Variants in ACSBG1 observed in about 807,000 individuals in gnomAD.
ACSBG1 encodes acyl-CoA synthetase bubblegum family member 1.
A neutral mutation model predicts 80.2 loss-of-function variants in ACSBG1; 39 were observed. The observed-to-expected ratio is 0.49, with a 90% CI of 0.38 to 0.64. The LOEUF (loss-of-function observed/expected upper bound fraction) is 0.64. ACSBG1 is among the 30% of genes least tolerant of loss of function. ACSBG1 has a pLI of 0.00. For synonymous variants in ACSBG1, 392 were observed against 379.5 expected (o/e 1.03, Z -0.38); for missense variants, 828 against 966.4 (o/e 0.86, Z 1.90).
At chr15:78,171,560 G>A (rs775662194) in intron 13 of ACSBG1, 31 bp from the exon 14 acceptor site, 2 of 1,574,832 alleles carry the variant, frequency 1.3e-6, no homozygotes, top group South Asian at 2.2e-5. Flanking sequence ...AATGAGTGAG[G>A]CCCAGGCTCT....
At chr15:78,188,131 C>A (rs1595886204) in intron 5 of ACSBG1, among the ~76,000 whole-genome samples, 1 of 152,210 alleles carries the variant, frequency 6.6e-6, no homozygotes, top group South Asian at 2.1e-4. Context: ...ACGTGAAGGA[C>A]CTCTTCAAGG....
intron 1 of ACSBG1, among the ~76,000 whole-genome samples, chr15:78,226,787 T>TATATATATATATAATATATATA (rs1555434849): frequency 1.1e-5 from 1 of 87,822 alleles, no homozygotes; most frequent in East Asian, 3.5e-4. Context: ...CATAGAAAAA[T>TATATATATATATAATATATATA]ATATATATAT....
chr15:78,223,016 C>T (rs1350033365), intron 1 of ACSBG1, among the ~76,000 whole-genome samples: 2 of 152,208 alleles, frequency 1.3e-5, no homozygotes, highest in Non-Finnish European at 2.9e-5. Context: ...ATTTCCCTCT[C>T]TCAGAATCTG....
At chr15:78,208,730 G>C (rs1172382437) in intron 1 of ACSBG1, among the ~76,000 whole-genome samples, 1 of 152,146 alleles carries the variant, frequency 6.6e-6, no homozygotes, top group Non-Finnish European at 1.5e-5. Flanking sequence ...GAGGCCCAGG[G>C]CCTGACCCAG....
intron 1 of ACSBG1, among the ~76,000 whole-genome samples, chr15:78,210,659 G>A: frequency 6.6e-6 from 1 of 152,176 alleles, no homozygotes; most frequent in East Asian, 1.9e-4. Context: ...TGTTACCCAG[G>A]CTGGAGTGCA....
Position 78,234,402 on chromosome 15 carries a change from C to A in ACSBG1, c.100G>T (p.Val34Leu), listed in dbSNP as rs749516701. 1.2e-6 allele frequency: 2 copies of A among 1,612,758 alleles called. No homozygotes were observed. The highest frequency in any genetic ancestry group is 2.2e-5 in the East Asian group (1 of 44,888). The change falls in exon 1 of 14, where the codon GTG becomes TTG. Residue 34 changes from valine (V) to leucine (L), a missense_variant. Physicochemically the swap from Val to Leu is conservative, Grantham distance 32 (BLOSUM62 1). This residue lies in a region of ACSBG1 where 356 missense variants were observed against 363.5 expected (regional missense o/e 0.98). Coordinates refer to ENST00000258873, the MANE Select transcript of ACSBG1 (RefSeq NM_015162.5). Reference sequence around the variant, plus strand: ...TTCAATTTTTCTTGGGTGGTCCTCACAATCATGTCCTGCCGGCTCTCCTGT... The same window carrying A: ...TTCAATTTTTCTTGGGTGGTCCTCAAAATCATGTCCTGCCGGCTCTCCTGT... ...TPQESRQDMIVRTTQEKLKTS... is the reference protein window; with the variant it reads ...TPQESRQDMILRTTQEKLKTS...
intron 5 of ACSBG1, among the ~76,000 whole-genome samples, chr15:78,190,875 A>G (rs376220949): frequency 1.3e-5 from 2 of 152,126 alleles, no homozygotes; most frequent in Non-Finnish European, 2.9e-5. Context: ...ACAAGATAAA[A>G]AAGACAAAAA....
rs531585059 is a variant in ACSBG1 at position 78,172,711 on chromosome 15, G to A, written c.2089+882C>T. 2.6e-5 allele frequency among the ~76,000 whole-genome samples: 4 copies of A among 152,218 alleles called. No homozygotes were observed. Among genetic ancestry groups the A allele is most frequent in the Non-Finnish European group, 4.4e-5 (3 of 68,046 alleles). ...TAGACAATTGCATCTGGGTTCAGCC[G>A]TGATGGATTTGAGGGAATCACACTG... On this transcript the variant is annotated intron_variant, in intron 13 of 13. Coordinates refer to ENST00000258873, the MANE Select transcript of ACSBG1 (RefSeq NM_015162.5). This position sits in a 1 kb window ranked among gnomAD's most constrained non-coding sequence, Gnocchi z 4.1.
chr15:78,195,819 G>T (rs1232766755), intron 2 of ACSBG1, among the ~76,000 whole-genome samples: 1 of 152,152 alleles, frequency 6.6e-6, no homozygotes, highest in East Asian at 1.9e-4. Context: ...CAGGACAGGT[G>T]GGGCTGCCCT....
intron 5 of ACSBG1, among the ~76,000 whole-genome samples, chr15:78,183,085 T>C (rs950492219): frequency 6.6e-6 from 1 of 152,136 alleles, no homozygotes; most frequent in Non-Finnish European, 1.5e-5. Context: ...AGTAGTGCTA[T>C]GTGACTGTAG....
In ACSBG1 at chr15:78,179,798, A is replaced by G; in HGVS notation, c.1254-18T>C. 6.7e-7 allele frequency: 1 copy of G among 1,493,164 alleles called. No homozygotes were observed. The highest frequency in any genetic ancestry group is 9.3e-7 in the Non-Finnish European group (1 of 1,074,938). The allele number at this position is 1,493,164 out of a possible 1,614,324, so 92.5% of individuals were successfully genotyped here. ...TCAGGTCGCTGGTGGGAGAGGGAGA[A>G]TGGTTCACAGAAGAAATCACACACA... On this transcript the variant is annotated intron_variant, in intron 9 of 13. Transcript: ENST00000258873.
At chr15:78,207,923 A>ACCCCCCCCCCCCCCC in intron 2 of ACSBG1, 79 bp downstream of exon 2, 1 of 284,788 alleles carries the variant, frequency 3.5e-6, no homozygotes, top group Non-Finnish European at 7.2e-6. Context: ...GTGGTCCCCC[A>ACCCCCCCCCCCCCCC]CACCACCCAC....
In ACSBG1 at chr15:78,234,494, C is replaced by A. The variant is rs138685512; in HGVS notation, c.8G>T (p.Arg3Leu). The change falls in exon 1 of 14, where the codon CGC becomes CTC. Residue 3 changes from arginine to leucine, a missense_variant. Transcript: ENST00000258873. ...GCAGCCGTATCCAGCTCCAGAATTG[C>A]GTGGCATCTGCCTCGGGCTTCCACT... MP[R>L]NSGAGYGCPH... 19 of 1,577,436 alleles carry A rather than the reference C, an allele frequency of 1.2e-5. No individual in the cohort carries two copies. The highest frequency in any genetic ancestry group is 1.6e-5 in the Non-Finnish European group (19 of 1,160,114).
chr15:78,184,617 A>C (rs913848507), intron 5 of ACSBG1, among the ~76,000 whole-genome samples: 1 of 152,264 alleles, frequency 6.6e-6, no homozygotes, highest in Non-Finnish European at 1.5e-5. Context: ...AGTAAGCTAA[A>C]ACCTCACAAT....
intron 2 of ACSBG1, among the ~76,000 whole-genome samples, chr15:78,203,840 G>A (rs542809236): frequency 7.9e-5 from 12 of 152,280 alleles, no homozygotes; most frequent in Admixed American, 1.3e-4. Context: ...ATCTCTCTCC[G>A]AGAACGGTCC....
rs1470945995 is a variant in ACSBG1, at chr15:78,177,712, AG to A, written c.1702+901del. The stretch of plus-strand genomic sequence containing the variant: ...GGGTGGCCGAGCCTCCATGGCCATC[AG>A]TTGGGTCCTGGGCATGGTCGCACAC... On this transcript the variant is annotated intron_variant, in intron 11 of 13. Transcript: ENST00000258873. This position sits in a 1 kb window ranked among gnomAD's most constrained non-coding sequence, Gnocchi z 4.1. 6.6e-6 allele frequency among the ~76,000 whole-genome samples: 1 copy of A among 152,032 alleles called. No individual in the cohort carries two copies. Among genetic ancestry groups the A allele is most frequent in the Non-Finnish European group, 1.5e-5 (1 of 67,988 alleles).
At chr15:78,229,198 T>A (rs1217001532) in intron 1 of ACSBG1, among the ~76,000 whole-genome samples, 1 of 152,248 alleles carries the variant, frequency 6.6e-6, no homozygotes, top group Non-Finnish European at 1.5e-5. Flanking sequence ...GTTTTTGTTT[T>A]GTTATATTCT....
rs2074904911 is a variant in ACSBG1 at position 78,178,438 on chromosome 15, A to G, written c.1702+176T>C. Among the ~76,000 whole-genome samples the G allele has an allele frequency of 6.6e-6, 1 of 152,216 alleles. No homozygotes were observed. The highest frequency in any genetic ancestry group is 1.5e-5 in the Non-Finnish European group (1 of 68,034). Reference sequence around the variant, plus strand: ...CTCAGCCTCCCGAATAGCTGGGATTACAGGTGCATGCCACCACGCCCAGCT... The same window carrying G: ...CTCAGCCTCCCGAATAGCTGGGATTGCAGGTGCATGCCACCACGCCCAGCT... On this transcript the variant is annotated intron_variant, in intron 11 of 13. Coordinates refer to ENST00000258873, the MANE Select transcript of ACSBG1 (RefSeq NM_015162.5). This position sits in a 1 kb window ranked among gnomAD's most constrained non-coding sequence, Gnocchi z 4.3.
At chr15:78,179,876 C>A in intron 9 of ACSBG1, 96 bp from the exon 10 acceptor site, 1 of 1,056,536 alleles carries the variant, frequency 9.5e-7, no homozygotes, top group South Asian at 1.5e-5. Flanking sequence ...TGGTGGTATT[C>A]AGTGAGAACA....
Sources: gnomAD v4.1 joint callset for allele counts (sites outside exome capture counted in the v4.1 genomes callset) on GRCh38, gnomAD v4.1.1 for gene constraint, gnomAD v4.1.1 regional missense constraint, Gnocchi (gnomAD v3.1) non-coding constraint, MANE v1.5 for transcripts, NCBI Gene and HGNC (gene_info 2026-07-23, HGNC 2026-07-21) for gene names.